CACNA2D1: variants seen among roughly 807,000 people sequenced by gnomAD.
The protein encoded by CACNA2D1 is calcium voltage-gated channel auxiliary subunit alpha2delta 1.
A neutral mutation model predicts 171.5 loss-of-function variants in CACNA2D1; 53 were observed. The ratio of observed to expected loss-of-function variants is 0.31; its 90% CI spans 0.25 to 0.39. The LOEUF is 0.39. CACNA2D1 is among the 10% of genes least tolerant of loss of function. The pLI is 1.00. For missense variants in CACNA2D1, 903 were observed against 1,299.8 expected (o/e 0.69, Z 4.69); for synonymous variants, 442 against 443.1 (o/e 1.00, Z 0.03).
At chr7:82,274,667 A>G (rs761928832) in intron 3 of CACNA2D1, among the ~76,000 whole-genome samples, 12 of 152,260 alleles carry the variant, frequency 7.9e-5, no homozygotes, top group Non-Finnish European at 1.2e-4. Context: ...CAATGTGGGG[A>G]GCACCATATC....
chr7:81,978,125 T>C (rs1247634212), intron 24 of CACNA2D1, among the ~76,000 whole-genome samples: 1 of 152,168 alleles, frequency 6.6e-6, no homozygotes, highest in Admixed American at 6.6e-5. Flanking sequence ...AGGAATGCTT[T>C]TACACTGTTG....
chr7:81,951,219 C>G (rs1312547352), intron 38 of CACNA2D1, among the ~76,000 whole-genome samples: 2 of 152,078 alleles, frequency 1.3e-5, no homozygotes, highest in African/African-American at 4.8e-5. Context: ...CTAGTGGTAG[C>G]TCATTTAGTT....
intron 6 of CACNA2D1, among the ~76,000 whole-genome samples, chr7:82,110,171 C>T (rs1333561407): frequency 1.3e-5 from 2 of 152,180 alleles, no homozygotes; most frequent in Non-Finnish European, 2.9e-5. Context: ...CTCCAGAAAA[C>T]ATCCCGCAGC....
intron 10 of CACNA2D1, among the ~76,000 whole-genome samples, chr7:82,039,311 C>G (rs1374762230): frequency 2.0e-5 from 3 of 152,120 alleles, no homozygotes; most frequent in Non-Finnish European, 4.4e-5. Flanking sequence ...TTGCACAGTT[C>G]ATCAGTTTAT....
chr7:82,297,072 CAAAAAAAAAAA>C (rs57473351), intron 3 of CACNA2D1, among the ~76,000 whole-genome samples: 1 of 72,258 alleles, frequency 1.4e-5, no homozygotes, highest in East Asian at 4.3e-4. Flanking sequence ...CTGTGTCTAC[CAAAAAAAAAAA>C]AAAAAAAAAA....
intron 3 of CACNA2D1, among the ~76,000 whole-genome samples, chr7:82,199,430 C>T (rs972974785): frequency 2.0e-5 from 3 of 151,994 alleles, no homozygotes; most frequent in African/African-American, 4.8e-5. Context: ...CTCCAAAACA[C>T]GTAAAAAATG....
chr7:82,024,602 T>C (rs2131061157), intron 12 of CACNA2D1, among the ~76,000 whole-genome samples: 1 of 151,842 alleles, frequency 6.6e-6, no homozygotes, highest in African/African-American at 2.4e-5. Flanking sequence ...GTTGTCTTTA[T>C]AGCTCTGTTG....
chr7:82,186,722 T>C (rs185416181), intron 3 of CACNA2D1, among the ~76,000 whole-genome samples: 4 of 152,246 alleles, frequency 2.6e-5, no homozygotes, highest in Non-Finnish European at 5.9e-5. Flanking sequence ...GAAGGTAAGA[T>C]TTCTGGAAAA....
At chr7:82,060,297 T>C in intron 10 of CACNA2D1, 131 bp downstream of exon 10, 1 of 509,752 alleles carries the variant, frequency 2.0e-6, no homozygotes, top group East Asian at 4.0e-5. Context: ...ATAGGACAGG[T>C]CAGTAAGATA....
chr7:81,951,964 A>G (rs1254258333), intron 38 of CACNA2D1, among the ~76,000 whole-genome samples: 7 of 65,686 alleles, frequency 1.1e-4, no homozygotes, highest in South Asian at 6.0e-4. Flanking sequence ...AGCAGTGTAC[A>G]AAGTGTTTTT....
In CACNA2D1 at chr7:82,205,744, T is replaced by G. The variant is rs149909955; in HGVS notation, c.295-35135A>C. The stretch of plus-strand genomic sequence containing the variant: ...TACGTTTTCCAAGATTACACAAATA[T>G]AAATTCAACTCATGTAATGCATAAT... On this transcript the variant is annotated intron_variant, in intron 3 of 38. Transcript: ENST00000356860. Among the ~76,000 whole-genome samples the G allele has an allele frequency of 4.1e-3, 618 of 152,268 alleles. 5 individuals are homozygous for G. The highest frequency in any genetic ancestry group is 6.7e-3 in the Non-Finnish European group (455 of 68,008).
intron 1 of CACNA2D1, among the ~76,000 whole-genome samples, chr7:82,363,252 C>G (rs1280633067): frequency 2.1e-5 from 2 of 95,456 alleles, no homozygotes; most frequent in Non-Finnish European, 3.8e-5. Flanking sequence ...ATTTATTTGT[C>G]TCTTTTTTTT....
intron 6 of CACNA2D1, among the ~76,000 whole-genome samples, chr7:82,087,743 A>C (rs966487176): frequency 1.7e-4 from 26 of 151,976 alleles, no homozygotes; most frequent in African/African-American, 5.6e-4. Context: ...TTTTCTTCTT[A>C]ACCTTATAAA....
At chr7:82,423,178 C>CCCATAGGCCAAATATATTTTA (rs1313296877) in intron 1 of CACNA2D1, among the ~76,000 whole-genome samples, 2 of 151,930 alleles carry the variant, frequency 1.3e-5, no homozygotes, top group Non-Finnish European at 2.9e-5. Flanking sequence ...TAGCCTCAGC[C>CCCATAGGCCAAATATATTTTA]CCATAGGCCA....
At chr7:82,378,822 T>C (rs1444606191) in intron 1 of CACNA2D1, among the ~76,000 whole-genome samples, 1 of 152,104 alleles carries the variant, frequency 6.6e-6, no homozygotes, top group African/African-American at 2.4e-5. Flanking sequence ...AGAATGAAGT[T>C]CTGTATTTGT....
In CACNA2D1 at chr7:82,125,649, G is replaced by A. The variant is rs62465776; in HGVS notation, c.397-8476C>T. On this transcript the variant is annotated intron_variant, in intron 5 of 38. Transcript: ENST00000356860. ...TGCCAGCTACTCAGGAGGCCGAGGTGGGAGGATACCTTGAGGCAGGAGTTT... is the reference window on the plus strand; with the variant it reads ...TGCCAGCTACTCAGGAGGCCGAGGTAGGAGGATACCTTGAGGCAGGAGTTT... Among the ~76,000 whole-genome samples, 1,459 of 152,180 alleles carry A rather than the reference G, an allele frequency of 9.6e-3. 17 individuals carry two copies. The highest frequency in any genetic ancestry group is 0.017 in the South Asian group (84 of 4,818).
chr7:82,016,177 G>A (rs1800419854), intron 12 of CACNA2D1, among the ~76,000 whole-genome samples: 1 of 151,994 alleles, frequency 6.6e-6, no homozygotes, highest in African/African-American at 2.4e-5. Flanking sequence ...TCAATGTAGG[G>A]TTACTGCTTA....
intron 4 of CACNA2D1, among the ~76,000 whole-genome samples, chr7:82,140,771 C>A (rs374644128): frequency 6.6e-6 from 1 of 151,566 alleles, no homozygotes; most frequent in Admixed American, 6.6e-5. Context: ...CTGGCCAACA[C>A]GGTGAAATCC....
At chr7:82,255,635 T>C (rs1806206941) in intron 3 of CACNA2D1, among the ~76,000 whole-genome samples, 1 of 152,168 alleles carries the variant, frequency 6.6e-6, no homozygotes, top group Admixed American at 6.5e-5. Flanking sequence ...AGCCTGGAAT[T>C]AGAACAAGAG....
Sources: allele counts gnomAD v4.1 joint callset (sites outside exome capture counted in the v4.1 genomes callset), GRCh38; gene constraint gnomAD v4.1.1; transcripts MANE v1.5; gene names NCBI Gene and HGNC (gene_info 2026-07-23, HGNC 2026-07-21).